Variants in ACTR2 observed in about 807,000 individuals in gnomAD.
ACTR2 encodes actin related protein 2, also known as actin-related protein 2.
ACTR2 carries 5 observed loss-of-function variants against 50.2 expected under a neutral mutation model. That is an observed-to-expected ratio of 0.10 (90% CI 0.05 to 0.21). The LOEUF is 0.21. Among genes scored for constraint, ACTR2 ranks in the 10% least tolerant of loss-of-function variants. ACTR2 has a pLI of 1.00. For missense variants in ACTR2, 180 were observed against 480.6 expected, an observed-to-expected ratio of 0.37 and a Z score of 5.85; for synonymous variants, 140 against 162.9, an observed-to-expected ratio of 0.86 and a Z score of 1.07.
chr2:65,264,580 C>T (rs1406647928), intron 7 of ACTR2, among the ~76,000 whole-genome samples: 2 of 152,120 alleles, frequency 1.3e-5, no homozygotes, highest in African/African-American at 4.8e-5. Flanking sequence ...GCATACACAT[C>T]AGTCTAGCCA....
At chr2:65,262,738 C>T (rs1275936830) in intron 7 of ACTR2, among the ~76,000 whole-genome samples, 1 of 151,992 alleles carries the variant, frequency 6.6e-6, no homozygotes, top group Non-Finnish European at 1.5e-5. Context: ...GGGAGGTTTG[C>T]TTAAGCCTAG....
In ACTR2 at chr2:65,270,404, A is replaced by C. The variant is rs535115073; in HGVS notation, c.*1670A>C. ...TGTTTTACCTCAATTTGAACAGATA[A>C]GTTTGCCTGCATGCTGGACATGCCT... On this transcript the variant is annotated 3_prime_UTR_variant, in exon 9 of 9. Transcript: ENST00000260641. 11 of 152,624 alleles carry C rather than the reference A, an allele frequency of 7.2e-5. No homozygotes were observed. The highest frequency in any genetic ancestry group is 1.6e-4 in the Non-Finnish European group (11 of 68,044). The allele number at this position is 152,624 out of a possible 1,614,324, so 9.5% of individuals were successfully genotyped here.
intron 1 of ACTR2, among the ~76,000 whole-genome samples, chr2:65,235,725 A>G (rs533475997): frequency 2.6e-4 from 40 of 152,316 alleles, no homozygotes; most frequent in African/African-American, 9.4e-4. Flanking sequence ...ACTGCACTCC[A>G]GCCTGGATGA....
chr2:65,260,057 T>C (rs1432361096), intron 6 of ACTR2, among the ~76,000 whole-genome samples: 2 of 152,236 alleles, frequency 1.3e-5, no homozygotes, highest in Non-Finnish European at 2.9e-5. Context: ...CAGAATTGCC[T>C]AATAAAAATA....
In ACTR2 at chr2:65,244,389, A is replaced by G. The variant is rs965070295; in HGVS notation, c.160-2135A>G. ...TAGATTTCCCCCCTAACATTTTATT[A>G]AGCAGTATTAAGAAAATGTAGCAAT... is the stretch of plus-strand genomic sequence containing the variant. On this transcript the variant is annotated intron_variant, in intron 2 of 8. Transcript: ENST00000260641. 4.6e-5 allele frequency among the ~76,000 whole-genome samples: 7 copies of G among 152,220 alleles called. No individual in the cohort carries two copies. The East Asian group carries it at 1.2e-3, about 25-fold the overall frequency.
At chr2:65,230,518 TCTC>T (rs1426870547) in intron 1 of ACTR2, among the ~76,000 whole-genome samples, 39 of 151,408 alleles carry the variant, frequency 2.6e-4, no homozygotes, top group African/African-American at 8.5e-4. Flanking sequence ...CTCAAGCGGT[TCTC>T]CTGCTTCAGC....
intron 1 of ACTR2, among the ~76,000 whole-genome samples, chr2:65,231,343 C>A (rs746044376): frequency 2.0e-5 from 3 of 152,094 alleles, no homozygotes; most frequent in African/African-American, 2.4e-5. Flanking sequence ...GGACTAGGAA[C>A]CGCTTAGATT....
chr2:65,248,646 T>C (rs1671986906), intron 3 of ACTR2, among the ~76,000 whole-genome samples: 2 of 152,114 alleles, frequency 1.3e-5, no homozygotes, highest in Non-Finnish European at 2.9e-5. Flanking sequence ...GGGCTATAAA[T>C]GATACGGTTC....
intron 6 of ACTR2, among the ~76,000 whole-genome samples, chr2:65,256,740 T>G (rs1672155629): frequency 6.6e-6 from 1 of 151,932 alleles, no homozygotes; most frequent in Admixed American, 6.6e-5. Context: ...GGCAAGGTGG[T>G]GGGCACCTGT....
chr2:65,249,846 G>A (rs184985943), intron 3 of ACTR2, among the ~76,000 whole-genome samples: 3 of 152,288 alleles, frequency 2.0e-5, no homozygotes, highest in East Asian at 3.9e-4. Flanking sequence ...TTCAAGTAGG[G>A]ACTGGGCTCA....
At chr2:65,233,276 T>G (rs1671674170) in intron 1 of ACTR2, among the ~76,000 whole-genome samples, 1 of 152,022 alleles carries the variant, frequency 6.6e-6, no homozygotes, top group Admixed American at 6.5e-5. Flanking sequence ...ATTATAGGCG[T>G]GAGCACTGCG....
rs13812 is a variant in ACTR2 at position 65,270,548 on chromosome 2, A to T, written c.*1814A>T. ...GAACGGGGCTTGTTAAAGGACGCGT[A>T]TGTAGGGCCCGTACCTACTGGCAGT... On this transcript the variant is annotated 3_prime_UTR_variant, in exon 9 of 9. Coordinates refer to ENST00000260641, the MANE Select transcript of ACTR2 (RefSeq NM_005722.4). 1 of 152,416 alleles carries T rather than the reference A, an allele frequency of 6.6e-6. No individual in the cohort carries two copies. Among genetic ancestry groups the T allele is most frequent in the Non-Finnish European group, 1.5e-5 (1 of 68,004 alleles). The allele number at this position is 152,416 out of a possible 1,614,324, so 9.4% of individuals were successfully genotyped here. A position where few individuals can be genotyped will look rare whatever the true frequency, so the allele number is the denominator to read the frequency against.
chr2:65,242,160 G>T (rs1406821018), intron 2 of ACTR2: 24 of 818,872 alleles, frequency 2.9e-5, no homozygotes, highest in South Asian at 1.7e-5. Context: ...GGGAGGGGGG[G>T]TTATTTCCAT....
intron 3 of ACTR2, among the ~76,000 whole-genome samples, chr2:65,247,360 G>A (rs530609440): frequency 2.6e-5 from 4 of 152,046 alleles, no homozygotes; most frequent in Admixed American, 2.0e-4. Context: ...AGGCGGAGGC[G>A]GGCAGATCAC....
chr2:65,253,989 C>T, intron 5 of ACTR2, 125 bp downstream of exon 5: 1 of 692,078 alleles, frequency 1.4e-6, no homozygotes, highest in Non-Finnish European at 2.3e-6. Flanking sequence ...ATCCAATTAC[C>T]TCCCTTATTT....
intron 7 of ACTR2, among the ~76,000 whole-genome samples, chr2:65,261,655 G>A (rs1672270552): frequency 6.6e-6 from 1 of 152,282 alleles, no homozygotes; most frequent in South Asian, 2.1e-4. Context: ...TTTGAGGGTA[G>A]ATTAAATGCA....
chr2:65,267,360 G>GA (rs1197488962), intron 8 of ACTR2, among the ~76,000 whole-genome samples: 1 of 152,148 alleles, frequency 6.6e-6, no homozygotes, highest in African/African-American at 2.4e-5. Flanking sequence ...GTAAGAGCAA[G>GA]AAAGTAAAAG....
At chr2:65,250,128 G>A (rs1053131209) in intron 3 of ACTR2, among the ~76,000 whole-genome samples, 1 of 152,158 alleles carries the variant, frequency 6.6e-6, no homozygotes, top group East Asian at 1.9e-4. Context: ...ACTTTGGGAG[G>A]CCGAGGCAGG....
intron 1 of ACTR2, among the ~76,000 whole-genome samples, chr2:65,230,733 C>T (rs563368992): frequency 3.7e-4 from 56 of 152,054 alleles, no homozygotes; most frequent in African/African-American, 1.3e-3. Context: ...TGTTATGTTA[C>T]TATTCCATTA....
Sources: allele counts gnomAD v4.1 joint callset (sites outside exome capture counted in the v4.1 genomes callset), GRCh38; gene constraint gnomAD v4.1.1; transcripts MANE v1.5; gene names NCBI Gene and HGNC (gene_info 2026-07-23, HGNC 2026-07-21).